PLAC1: variants seen among roughly 807,000 people sequenced by gnomAD.
PLAC1 encodes the protein placenta associated 1.
For missense variants in PLAC1, 136 were observed against 163.2 expected (o/e 0.83, Z 0.91); for synonymous variants, 68 against 62.1 (o/e 1.09, Z -0.44).
chrX:134,603,313 ATTTTTTTTTTTTTTTTTTTTTT>A (rs1319536202), intron 1 of PLAC1, among the ~76,000 whole-genome samples: 1 of 7,664 alleles, frequency 1.3e-4, no homozygotes, highest in African/African-American at 5.1e-4. Flanking sequence ...ATATATATAT[ATTTTTTTTTTTTTTTTTTTTTT>A]TTTTTTTTTT....
intron 2 of PLAC1, among the ~76,000 whole-genome samples, chrX:134,676,244 G>A (rs1219139456): frequency 1.8e-5 from 2 of 111,396 alleles, no homozygotes; most frequent in African/African-American, 3.3e-5. Context: ...ATCTGGCTGG[G>A]CCATCCCCTG....
chrX:134,582,795 C>G (rs146510753), intron 2 of PLAC1, among the ~76,000 whole-genome samples: 1 of 110,958 alleles, frequency 9.0e-6, no homozygotes, highest in South Asian at 3.8e-4. Context: ...TTTGGACAGA[C>G]TTATAAGGAC....
At chrX:134,699,441 T>A in intron 2 of PLAC1, among the ~76,000 whole-genome samples, 1 of 111,896 alleles carries the variant, frequency 8.9e-6, no homozygotes. Context: ...TGCCTTGATC[T>A]TGGACTTCCC....
intron 1 of PLAC1, among the ~76,000 whole-genome samples, chrX:134,629,498 T>C (rs942423049): frequency 9.0e-6 from 1 of 111,639 alleles, no homozygotes. Context: ...TATTTGTCTC[T>C]TTCAGTTCCA....
chrX:134,584,475 G>A (rs1408819149), intron 2 of PLAC1, among the ~76,000 whole-genome samples: 1 of 111,678 alleles, frequency 9.0e-6, no homozygotes, highest in Non-Finnish European at 1.9e-5. Context: ...TGAAGGATTT[G>A]CAAGTGAGTG....
intron 2 of PLAC1, among the ~76,000 whole-genome samples, chrX:134,694,202 A>T (rs1178151358): frequency 9.0e-6 from 1 of 111,459 alleles, no homozygotes; most frequent in Admixed American, 9.5e-5. Flanking sequence ...TGCCCCTAAC[A>T]GTGCCTAGGA....
chrX:134,604,739 G>T (rs1352513233), intron 1 of PLAC1, among the ~76,000 whole-genome samples: 3 of 111,067 alleles, frequency 2.7e-5, no homozygotes, highest in Non-Finnish European at 5.7e-5. Context: ...GGGCCTGCAG[G>T]CTCACTTGCC....
At chrX:134,608,907 C>G (rs2078137835) in intron 1 of PLAC1, among the ~76,000 whole-genome samples, 2 of 109,408 alleles carry the variant, frequency 1.8e-5, no homozygotes, top group African/African-American at 6.7e-5. Flanking sequence ...ACCTCCTGAC[C>G]TCATGATTCA....
At chrX:134,731,229 C>T (rs976267873) in intron 2 of PLAC1, among the ~76,000 whole-genome samples, 3 of 111,950 alleles carry the variant, frequency 2.7e-5, no homozygotes, top group African/African-American at 6.5e-5. Context: ...GCTGTGCAAC[C>T]GAGATGAATA....
rs777861481 is a variant in PLAC1, at chrX:134,605,157, G to A, written c.-130-3035C>T. Among the ~76,000 whole-genome samples, 16 of 112,026 alleles carry A rather than the reference G, an allele frequency of 1.4e-4. No homozygotes were observed. In the South Asian group the frequency reaches 2.3e-3, roughly 16 times the overall value. On this transcript the variant is annotated intron_variant, in intron 1 of 2. Transcript: ENST00000359237. The stretch of plus-strand genomic sequence containing the variant: ...AATCTTGCCTTACCTACTGCCTGGC[G>A]TTTACTTCACAACAGCTGGCCCAGG...
At chrX:134,696,537 T>G (rs2078563934) in intron 2 of PLAC1, among the ~76,000 whole-genome samples, 1 of 112,033 alleles carries the variant, frequency 8.9e-6, no homozygotes, top group African/African-American at 3.2e-5. Flanking sequence ...CAAAGGGAAT[T>G]AGGCATTTCT....
intron 1 of PLAC1, among the ~76,000 whole-genome samples, chrX:134,756,484 G>A (rs886444309): frequency 9.0e-6 from 1 of 110,525 alleles, no homozygotes; most frequent in South Asian, 3.8e-4. Context: ...TTGTCCAAAT[G>A]GCTATCCAGT....
intron 1 of PLAC1, among the ~76,000 whole-genome samples, chrX:134,653,142 T>C (rs2147800121): frequency 8.9e-6 from 1 of 112,606 alleles, no homozygotes; most frequent in South Asian, 3.7e-4. Flanking sequence ...AGAAGAGTCC[T>C]GGCCCAGGCC....
At chrX:134,620,443 C>T (rs73566636) in intron 1 of PLAC1, among the ~76,000 whole-genome samples, 6,043 of 112,541 alleles carry the variant, frequency 0.054, 428 homozygotes, top group African/African-American at 0.18. Context: ...TCTAAGCCCA[C>T]TTCCAGTGTT....
chrX:134,708,974 T>C (rs757734840), intron 2 of PLAC1, among the ~76,000 whole-genome samples: 12 of 112,018 alleles, frequency 1.1e-4, no homozygotes, highest in Non-Finnish European at 1.9e-4. Context: ...AGAAAGTCAG[T>C]GAATGGTACA....
chrX:134,604,936 G>T (rs893752375), intron 1 of PLAC1, among the ~76,000 whole-genome samples: 19 of 111,719 alleles, frequency 1.7e-4, no homozygotes, highest in Non-Finnish European at 3.0e-4. Context: ...TCCAGTTCTA[G>T]AATCTTCTTG....
At chrX:134,644,130 T>A (rs1378241919) in intron 1 of PLAC1, among the ~76,000 whole-genome samples, 13 of 111,049 alleles carry the variant, frequency 1.2e-4, no homozygotes, top group Non-Finnish European at 2.3e-4. Context: ...TTTCTACTGC[T>A]ACTCTGCTAT....
At chrX:134,694,027 C>A (rs1195623322) in intron 2 of PLAC1, among the ~76,000 whole-genome samples, 3 of 111,349 alleles carry the variant, frequency 2.7e-5, no homozygotes, top group Non-Finnish European at 3.8e-5. Flanking sequence ...AATATTGAAC[C>A]TCTCAAAGGA....
At chrX:134,611,890 C>A in intron 1 of PLAC1, among the ~76,000 whole-genome samples, 1 of 111,488 alleles carries the variant, frequency 9.0e-6, no homozygotes, top group Non-Finnish European at 1.9e-5. Flanking sequence ...GCTATGGTTT[C>A]TCAGGCCTGT....
Sources: gnomAD v4.1 joint callset for allele counts (sites outside exome capture counted in the v4.1 genomes callset) on GRCh38, gnomAD v4.1.1 for gene constraint, MANE v1.5 for transcripts, NCBI Gene and HGNC (gene_info 2026-07-23, HGNC 2026-07-21) for gene names.